The following SGK2 variants were observed in gnomAD, a reference collection of about 807,000 sequenced individuals.
The protein encoded by SGK2 is serine/threonine-protein kinase Sgk2.
In SGK2, 36 loss-of-function variants were observed where a neutral mutation model predicts 47.5. That is an observed-to-expected ratio of 0.76 (90% CI 0.58 to 1.00). SGK2 has a LOEUF of 1.00. Ranked by LOEUF, SGK2 falls within the 50% of genes least tolerant of loss-of-function variation. SGK2 has a pLI of 0.00. For synonymous variants in SGK2, 157 were observed against 181.9 expected (o/e 0.86, Z 1.10); for missense variants, 404 against 467.4 (o/e 0.86, Z 1.25).
intron 12 of SGK2, chr20:43,583,742 T>A: frequency 2.9e-6 from 1 of 348,268 alleles, no homozygotes; most frequent in Non-Finnish European, 4.0e-6. Flanking sequence ...GCCGAGCTAT[T>A]AGCATTGCTT....
chr20:43,562,386 C>CT (rs1440964783), intron 1 of SGK2, among the ~76,000 whole-genome samples: 2 of 136,392 alleles, frequency 1.5e-5, no homozygotes, highest in Non-Finnish European at 3.0e-5. Context: ...CCACTACACT[C>CT]TAACCTGGGC....
At position 43,572,359 on chromosome 20, in the gene SGK2, C is replaced by T. The variant is rs1004918498; in HGVS notation, c.597+222C>T. Among the ~76,000 whole-genome samples the T allele has an allele frequency of 2.0e-5, 3 of 152,220 alleles. No homozygotes were observed. The highest frequency in any genetic ancestry group is 4.8e-5 in the African/African-American group (2 of 41,452). On this transcript the variant is annotated intron_variant, in intron 9 of 12. Coordinates refer to ENST00000373100, the MANE Select transcript of SGK2 (RefSeq NM_170693.3). This position sits in a 1 kb window ranked among gnomAD's most constrained non-coding sequence, Gnocchi z 4.2. ...GCTAGCTGCTGGTGAAGCTCTACTG[C>T]AGTGCTATCCAGTAGAAATAGAAAT...
chr20:43,566,033 A>G, intron 1 of SGK2: 1 of 325,596 alleles, frequency 3.1e-6, no homozygotes, highest in Non-Finnish European at 5.6e-6. Flanking sequence ...TGTGCTTCAC[A>G]AGGCTATGTG....
chr20:43,571,064 G>GGTGGGTGTGTGTGT lies in SGK2; in HGVS notation c.510+7_510+8insGGTGTGTGTGTGTG, dbSNP rs796100790. The GGTGGGTGTGTGTGT allele has an allele frequency of 2.4e-4, 375 of 1,565,926 alleles. 1 individual carries two copies. In the Middle Eastern group the frequency reaches 2.6e-3, roughly 11 times the overall value. On this transcript the variant is annotated splice_donor_region_variant and intron_variant, in intron 8 of 12. Transcript: ENST00000373100. ...GAACATTCTCTTGGACTGCCAGGTT[G>GGTGGGTGTGTGTGT]GTGTGTGTGTGTGTGTGTGTGTGTG... is the stretch of plus-strand genomic sequence containing the variant.
intron 2 of SGK2, 31 bp downstream of exon 2, chr20:43,566,562 C>G: frequency 6.9e-7 from 1 of 1,444,864 alleles, no homozygotes. Context: ...CACCCATCAT[C>G]GGGGGCTCAC....
At chr20:43,563,961 T>A (rs1979531291) in intron 1 of SGK2, among the ~76,000 whole-genome samples, 1 of 152,128 alleles carries the variant, frequency 6.6e-6, no homozygotes, top group Non-Finnish European at 1.5e-5. Context: ...CTCAGTTCCC[T>A]CCCTGACCAA....
At chr20:43,579,823 T>C in intron 11 of SGK2, 149 bp from the exon 12 acceptor site, 1 of 655,968 alleles carries the variant, frequency 1.5e-6, no homozygotes, top group Non-Finnish European at 2.8e-6. Context: ...TGCAAAACTC[T>C]CTTGTCCCAG....
intron 11 of SGK2, among the ~76,000 whole-genome samples, chr20:43,577,592 G>A (rs998233509): frequency 1.3e-5 from 2 of 149,418 alleles, no homozygotes; most frequent in African/African-American, 2.5e-5. Context: ...CTTGTGATCC[G>A]CCCACCTTGG....
intron 1 of SGK2, among the ~76,000 whole-genome samples, chr20:43,561,525 GACTACAGGC>G (rs1979378831): frequency 6.6e-6 from 1 of 151,816 alleles, no homozygotes; most frequent in African/African-American, 2.4e-5. Context: ...GAGTAGCTGG[GACTACAGGC>G]ACATATCACC....
chr20:43,573,507 A>C (rs906823143), intron 9 of SGK2, among the ~76,000 whole-genome samples: 3 of 151,542 alleles, frequency 2.0e-5, no homozygotes, highest in African/African-American at 7.3e-5. Context: ...AAAAAAAAAA[A>C]AACTTTATTT....
chr20:43,564,836 A>C (rs1183617431), intron 1 of SGK2: 1 of 152,634 alleles, frequency 6.6e-6, no homozygotes, highest in Admixed American at 6.5e-5. Flanking sequence ...ACATACATGC[A>C]ATCATCTACG....
chr20:43,573,933 C>T (rs985358802), intron 9 of SGK2, among the ~76,000 whole-genome samples: 5 of 152,168 alleles, frequency 3.3e-5, no homozygotes, highest in Admixed American at 2.0e-4. Context: ...ACCTTTACCA[C>T]GACTCAGCCA....
Position 43,576,269 on chromosome 20 carries a change from C to A in SGK2, c.739C>A (p.Leu247Met), listed in dbSNP as rs750551120. 24 of 1,614,070 alleles carry A rather than the reference C, an allele frequency of 1.5e-5. No individual in the cohort carries two copies. In the Admixed American group the frequency reaches 4.0e-4, roughly 27 times the overall value. Reference protein sequence around the residue: ...QDVSQMYENILHQPLQIPGGR... With the variant: ...QDVSQMYENIMHQPLQIPGGR... ...TGTATCCCAGATGTATGAGAACATT[C>A]TGCACCAGCCGCTACAGATCCCCGG... The change falls in exon 11 of 13, where the codon CTG (leucine) becomes ATG (methionine). Residue 247 changes from leucine (L) to methionine (M), a missense_variant. Coordinates refer to ENST00000373100, the MANE Select transcript of SGK2 (RefSeq NM_170693.3).
Position 43,584,971 on chromosome 20 carries a change from G to A in SGK2, c.1059G>A (p.Leu353=), listed in dbSNP as rs1348105223. The A allele has an allele frequency of 6.2e-7, 1 of 1,613,966 alleles. No individual in the cohort carries two copies. Among genetic ancestry groups the A allele is most frequent in the African/African-American group, 1.3e-5 (1 of 74,908 alleles). The change falls in exon 13 of 13, where the codon CTG becomes CTA. Residue 353 remains leucine, a synonymous_variant. Transcript: ENST00000373100. ...GCTCTGGGGCCTCAAGTGCATTCCTGGGATTTTCTTATGCGCCAGAGGATG... is the reference window on the plus strand; with the variant it reads ...GCTCTGGGGCCTCAAGTGCATTCCTAGGATTTTCTTATGCGCCAGAGGATG... ...ASSSGASSAF[L]GFSYAPEDDD... is the part of the protein sequence containing the mutation.
chr20:43,568,415 A>G (rs1979880371), intron 5 of SGK2, among the ~76,000 whole-genome samples: 1 of 152,202 alleles, frequency 6.6e-6, no homozygotes, highest in Non-Finnish European at 1.5e-5. Flanking sequence ...GGCTTAAGCA[A>G]TCCTCCCGCC....
chr20:43,569,512 G>C lies in SGK2; in HGVS notation c.356G>C (p.Gly119Ala). 1 of 1,612,760 alleles carries C rather than the reference G, an allele frequency of 6.2e-7. No homozygotes were observed. Among genetic ancestry groups the C allele is most frequent in the East Asian group, 2.2e-5 (1 of 44,852 alleles). ...LYFVLDYVNG[G>A]ELFFHLQRER... ...TTCGTGCTCGACTATGTCAACGGGG[G>C]AGAGGTGGGTGGGCCCACAGGGAGG... Residue 119 changes from glycine to alanine, a missense_variant, in exon 6 of 13, where the codon GGA becomes GCA. Coordinates refer to ENST00000373100, the MANE Select transcript of SGK2 (RefSeq NM_170693.3).
At chr20:43,574,813 T>A in intron 9 of SGK2, 96 bp from the exon 10 acceptor site, 1 of 793,050 alleles carries the variant, frequency 1.3e-6, no homozygotes, top group Non-Finnish European at 2.1e-6. Flanking sequence ...TACAGCAGGG[T>A]CAGCTCTTGG....
intron 5 of SGK2, among the ~76,000 whole-genome samples, chr20:43,568,906 C>T (rs1216847331): frequency 6.6e-6 from 1 of 152,140 alleles, no homozygotes; most frequent in Admixed American, 6.5e-5. Context: ...TTAATGTTAA[C>T]AAGGTCTCCG....
intron 1 of SGK2, among the ~76,000 whole-genome samples, chr20:43,563,167 A>C (rs1273637208): frequency 6.6e-6 from 1 of 151,960 alleles, no homozygotes; most frequent in Non-Finnish European, 1.5e-5. Flanking sequence ...AGAAAAAAAA[A>C]GATTTGGGAA....
Sources: allele counts gnomAD v4.1 joint callset (sites outside exome capture counted in the v4.1 genomes callset), GRCh38; gene constraint gnomAD v4.1.1; non-coding constraint Gnocchi (gnomAD v3.1); transcripts MANE v1.5; gene names NCBI Gene and HGNC (gene_info 2026-07-23, HGNC 2026-07-21).